PPP2R5C: variants seen among roughly 807,000 people sequenced by gnomAD.
The protein encoded by PPP2R5C is protein phosphatase 2 regulatory subunit B'gamma, also known as serine/threonine-protein phosphatase 2A 56 kDa regulatory subunit gamma isoform.
In PPP2R5C, 7 loss-of-function variants were observed where a neutral mutation model predicts 68.9. The observed-to-expected ratio is 0.10, with a 90% CI of 0.06 to 0.19. The LOEUF (loss-of-function observed/expected upper bound fraction) is 0.19, where lower values mean the gene tolerates loss of function less well. PPP2R5C is among the 10% of genes least tolerant of loss of function. The probability of loss-of-function intolerance (pLI) is 1.00; values close to 1 mark genes in which losing one functional copy is unlikely to be tolerated. For missense variants in PPP2R5C, 348 were observed against 641.3 expected, an observed-to-expected ratio of 0.54 and a Z score of 4.94; for synonymous variants, 210 against 222.2, an observed-to-expected ratio of 0.95 and a Z score of 0.49.
rs997884761 is a variant in PPP2R5C, at chr14:101,822,726, T to A, written c.94+12690T>A. 2.1e-4 allele frequency among the ~76,000 whole-genome samples: 32 copies of A among 152,236 alleles called. 1 individual carries two copies. The highest frequency in any genetic ancestry group is 6.3e-3 in the Middle Eastern group (2 of 316). ...GACTTTTCTCATTCAAATAGTCTAA[T>A]ATCAGTGGATATGAATTCTGCATTT... On this transcript the variant is annotated intron_variant, in intron 1 of 13. Transcript: ENST00000334743.
In PPP2R5C at chr14:101,889,947, G is replaced by A. The variant is rs779715418; in HGVS notation, c.630-290G>A. The stretch of plus-strand genomic sequence containing the variant: ...CGTGGTCGAATCTGGTGGTTGAAAT[G>A]GGTGTTCACTGTAGAATTCTTTCCG... On this transcript the variant is annotated intron_variant, in intron 5 of 13. Coordinates refer to ENST00000334743, the Ensembl canonical transcript of PPP2R5C. The A allele has an allele frequency of 4.3e-4, 227 of 531,942 alleles. 1 individual carries two copies. Among genetic ancestry groups the A allele is most frequent in the South Asian group, 2.6e-3 (169 of 64,750 alleles). The allele number at this position is 531,942 out of a possible 1,614,324, so 33.0% of individuals were successfully genotyped here.
At chr14:101,911,268 C>T (rs895028670) in intron 11 of PPP2R5C, among the ~76,000 whole-genome samples, 1 of 151,520 alleles carries the variant, frequency 6.6e-6, no homozygotes, top group Admixed American at 6.6e-5. Flanking sequence ...AGCGAGACTC[C>T]GTCTCAAAAA....
rs61994049 is a variant in PPP2R5C at position 101,825,991 on chromosome 14, A to G, written c.94+15955A>G. On this transcript the variant is annotated intron_variant, in intron 1 of 13. Transcript: ENST00000334743. This position sits in a 1 kb window ranked among gnomAD's most constrained non-coding sequence, Gnocchi z 4.0. The stretch of plus-strand genomic sequence containing the variant: ...GAGAATAGGAGGTGGCCCAGAGGGC[A>G]TGGTCAGATGTGGCTATCACAGCTG... Among the ~76,000 whole-genome samples the G allele has an allele frequency of 0.23, 35,170 of 152,162 alleles. 4,719 individuals are homozygous for G. Among genetic ancestry groups the G allele is most frequent in the African/African-American group, 0.37 (15,466 of 41,452 alleles).
intron 1 of PPP2R5C, among the ~76,000 whole-genome samples, chr14:101,810,537 T>A (rs2140188202): frequency 6.6e-6 from 1 of 152,358 alleles, no homozygotes; most frequent in African/African-American, 2.4e-5. Context: ...TTTAAAAGGA[T>A]TGTTTTCATT....
intron 2 of PPP2R5C, among the ~76,000 whole-genome samples, chr14:101,776,691 A>T (rs2037437142): frequency 6.6e-6 from 1 of 151,950 alleles, no homozygotes; most frequent in Non-Finnish European, 1.5e-5. Flanking sequence ...CATTCCCACC[A>T]GCAGTCACTC....
chr14:101,788,339 G>A (rs2038214818), intron 3 of PPP2R5C, among the ~76,000 whole-genome samples: 1 of 152,196 alleles, frequency 6.6e-6, no homozygotes, highest in African/African-American at 2.4e-5. Context: ...TATAATTGCT[G>A]TGTTGATAGA....
chr14:101,920,878 A>G (rs2141195302), intron 13 of PPP2R5C, among the ~76,000 whole-genome samples: 1 of 151,842 alleles, frequency 6.6e-6, no homozygotes, highest in South Asian at 2.1e-4. Flanking sequence ...CGATCCTTCT[A>G]CCTCAGCCTC....
At chr14:101,878,107 G>C (rs757764067) in intron 2 of PPP2R5C, among the ~76,000 whole-genome samples, 1 of 152,328 alleles carries the variant, frequency 6.6e-6, no homozygotes. Context: ...CCTTTGCTCC[G>C]AGCAAGTGCA....
intron 2 of PPP2R5C, among the ~76,000 whole-genome samples, chr14:101,767,343 C>T (rs144606876): frequency 9.2e-5 from 14 of 152,270 alleles, no homozygotes; most frequent in East Asian, 3.9e-4. Context: ...ATAATACACC[C>T]ATTAAATGTT....
intron 11 of PPP2R5C, among the ~76,000 whole-genome samples, chr14:101,910,827 G>A (rs566813695): frequency 1.9e-4 from 29 of 152,172 alleles, no homozygotes; most frequent in African/African-American, 6.7e-4. Context: ...AAAAGGCCGG[G>A]CATGGTGGCT....
At chr14:101,886,962 T>C (rs1348310811) in intron 5 of PPP2R5C, among the ~76,000 whole-genome samples, 1 of 152,156 alleles carries the variant, frequency 6.6e-6, no homozygotes, top group African/African-American at 2.4e-5. Context: ...CTCAAACTCC[T>C]GGCCTCAAGT....
chr14:101,817,217 A>G (rs1359300337), intron 1 of PPP2R5C, among the ~76,000 whole-genome samples: 2 of 151,958 alleles, frequency 1.3e-5, no homozygotes, highest in African/African-American at 2.4e-5. Flanking sequence ...CGGCCTCCCA[A>G]AGTGCTGGGA....
rs1167359091 is a variant in PPP2R5C at position 101,900,890 on chromosome 14, C to T, written c.853-829C>T. ...GCTACAGCTGCCACTGCAGCCTGCT[C>T]ACCGCAGGCCCAGCACTGCTCAGGC... On this transcript the variant is annotated intron_variant, in intron 8 of 13. Transcript: ENST00000334743. Among the ~76,000 whole-genome samples, 3 of 152,382 alleles carry T rather than the reference C, an allele frequency of 2.0e-5. No homozygotes were observed. In the East Asian group the frequency reaches 5.8e-4, roughly 29 times the overall value.
Position 101,917,696 on chromosome 14 carries a change from G to C in PPP2R5C, c.1327-135G>C. 3.4e-6 allele frequency: 4 copies of C among 1,178,102 alleles called. No individual in the cohort carries two copies. The highest frequency in any genetic ancestry group is 4.8e-6 in the Non-Finnish European group (4 of 836,058). The allele number at this position is 1,178,102 out of a possible 1,614,324, so 73.0% of individuals were successfully genotyped here. A position where few individuals can be genotyped will look rare whatever the true frequency, so the allele number is the denominator to read the frequency against. On this transcript the variant is annotated intron_variant, in intron 12 of 13. Transcript: ENST00000334743. The surrounding 1 kb of genome is among the most constrained non-coding windows in gnomAD (Gnocchi z 4.4). ...CGCATCATGTTGCAGGTGTAGGCGAGTCTCCCACTGAGTGGGCTTCCTGCG... is the reference window on the plus strand; with the variant it reads ...CGCATCATGTTGCAGGTGTAGGCGACTCTCCCACTGAGTGGGCTTCCTGCG...
chr14:101,881,272 C>T (rs538656948), intron 2 of PPP2R5C, among the ~76,000 whole-genome samples: 86 of 152,042 alleles, frequency 5.7e-4, no homozygotes, highest in Admixed American at 2.8e-3. Context: ...TGGTGGTGCA[C>T]GCCTGTAATT....
upstream of PPP2R5C, among the ~76,000 whole-genome samples, chr14:101,809,413 A>C (rs1333311112): frequency 2.0e-5 from 3 of 151,824 alleles, no homozygotes; most frequent in African/African-American, 2.4e-5. Flanking sequence ...AACAAAAAAA[A>C]AACACTGGGT....
intron 2 of PPP2R5C, among the ~76,000 whole-genome samples, chr14:101,770,658 G>T (rs1360472007): frequency 1.3e-5 from 2 of 152,326 alleles, no homozygotes; most frequent in South Asian, 4.1e-4. Flanking sequence ...TTCAGTAAAA[G>T]CTTCGCTACG....
intron 9 of PPP2R5C, among the ~76,000 whole-genome samples, chr14:101,903,249 A>G (rs1172998993): frequency 6.6e-6 from 1 of 152,176 alleles, no homozygotes; most frequent in Non-Finnish European, 1.5e-5. Context: ...AGCTATCGCT[A>G]TGGGTAACGT....
chr14:101,883,638 C>T (rs1218161023), intron 5 of PPP2R5C, 76 bp downstream of exon 7: 20 of 1,536,740 alleles, frequency 1.3e-5, no homozygotes, highest in African/African-American at 5.5e-5. Context: ...CCTACCCCAT[C>T]GTCTCCTCTG....
Sources: allele counts gnomAD v4.1 joint callset (sites outside exome capture counted in the v4.1 genomes callset), GRCh38; gene constraint gnomAD v4.1.1; non-coding constraint Gnocchi (gnomAD v3.1); transcripts MANE v1.5; gene names NCBI Gene and HGNC (gene_info 2026-07-23, HGNC 2026-07-21).